ROBO1: variants seen among roughly 807,000 people sequenced by gnomAD.
The protein encoded by ROBO1 is roundabout homolog 1.
In ROBO1, 149 loss-of-function variants were observed where a neutral mutation model predicts 195.9. The ratio of observed to expected loss-of-function variants is 0.76; its 90% CI spans 0.67 to 0.87. The LOEUF is 0.87. Among genes scored for constraint, ROBO1 ranks in the 40% least tolerant of loss-of-function variants. ROBO1 has a pLI of 0.00. For missense variants in ROBO1, 1,933 were observed against 2,068.3 expected, an observed-to-expected ratio of 0.93 and a Z score of 1.27; for synonymous variants, 816 against 733.2, an observed-to-expected ratio of 1.11 and a Z score of -1.82.
chr3:79,153,168 G>A (rs772990765), intron 2 of ROBO1, among the ~76,000 whole-genome samples: 3 of 151,570 alleles, frequency 2.0e-5, no homozygotes, highest in Non-Finnish European at 3.0e-5. Context: ...AAAAATTTTG[G>A]AAAGCAAAGT....
At chr3:79,376,643 T>C (rs964169309) in intron 2 of ROBO1, among the ~76,000 whole-genome samples, 3 of 152,130 alleles carry the variant, frequency 2.0e-5, no homozygotes, top group Non-Finnish European at 2.9e-5. Flanking sequence ...GTGCCTTTGC[T>C]CCTCATTCAC....
intron 3 of ROBO1, among the ~76,000 whole-genome samples, chr3:79,032,391 T>A: frequency 6.6e-6 from 1 of 151,956 alleles, no homozygotes; most frequent in East Asian, 1.9e-4. Context: ...CATAAAATGA[T>A]TTAAAAATGA....
At chr3:78,854,050 A>G (rs1054900670) in intron 4 of ROBO1, among the ~76,000 whole-genome samples, 3 of 151,860 alleles carry the variant, frequency 2.0e-5, no homozygotes, top group Non-Finnish European at 4.4e-5. Context: ...CATATCAAAC[A>G]CCTTAAGAAA....
rs75370076 is a variant in ROBO1, at chr3:79,229,054, T to C, written c.89-103515A>G. Among the ~76,000 whole-genome samples the C allele has an allele frequency of 2.0e-3, 310 of 152,264 alleles. 1 individual carries two copies. The highest frequency in any genetic ancestry group is 7.0e-3 in the African/African-American group (291 of 41,570). ...TATAATGAAGATATGCAAATCACCA[T>C]AAGAAAAATGGTTTATAACTCACTA... On this transcript the variant is annotated intron_variant, in intron 2 of 30. Transcript: ENST00000464233.
intron 4 of ROBO1, among the ~76,000 whole-genome samples, chr3:78,896,658 CAAAAA>C (rs142287501): frequency 3.0e-5 from 2 of 65,926 alleles, no homozygotes; most frequent in African/African-American, 1.3e-4. Context: ...TTGTTGCTCA[CAAAAA>C]AAAAAAAAAA....
At chr3:78,683,219 C>T (rs948018394) in intron 10 of ROBO1, among the ~76,000 whole-genome samples, 2 of 152,004 alleles carry the variant, frequency 1.3e-5, no homozygotes, top group African/African-American at 4.8e-5. Context: ...AGTCTTGAAA[C>T]TACAAACCAT....
chr3:78,937,239 A>C (rs2039862408), intron 4 of ROBO1, among the ~76,000 whole-genome samples: 7 of 151,920 alleles, frequency 4.6e-5, no homozygotes, highest in Admixed American at 4.6e-4. Flanking sequence ...TCTGTCTCTA[A>C]ATCCCTTTCT....
chr3:79,301,329 CCCA>C (rs1439790425), intron 2 of ROBO1, among the ~76,000 whole-genome samples: 1 of 152,196 alleles, frequency 6.6e-6, no homozygotes, highest in Non-Finnish European at 1.5e-5. Context: ...AGACCAAGAA[CCCA>C]CCAATTCCGC....
chr3:79,587,985 G>T (rs1462934709), intron 2 of ROBO1, among the ~76,000 whole-genome samples: 2 of 151,546 alleles, frequency 1.3e-5, no homozygotes, highest in East Asian at 3.9e-4. Flanking sequence ...TGAAAAAAAA[G>T]GCATCTAACT....
At chr3:79,012,007 C>G (rs2077792733) in intron 3 of ROBO1, among the ~76,000 whole-genome samples, 1 of 152,084 alleles carries the variant, frequency 6.6e-6, no homozygotes, top group South Asian at 2.1e-4. Flanking sequence ...GACAAGCTGT[C>G]CCCAGCTCTC....
intron 3 of ROBO1, among the ~76,000 whole-genome samples, chr3:78,975,609 A>G (rs2076870099): frequency 1.3e-5 from 2 of 152,186 alleles, no homozygotes; most frequent in Admixed American, 1.3e-4. Context: ...AAGGTAGAAA[A>G]GACTTAGTAG....
intron 2 of ROBO1, among the ~76,000 whole-genome samples, chr3:79,298,557 G>T (rs1005791799): frequency 1.2e-4 from 19 of 152,026 alleles, no homozygotes; most frequent in Non-Finnish European, 2.2e-4. Context: ...CATAGGGATA[G>T]AATTTCTTTT....
chr3:78,713,269 A>C (rs948209356), intron 8 of ROBO1, among the ~76,000 whole-genome samples: 1 of 150,178 alleles, frequency 6.7e-6, no homozygotes, highest in African/African-American at 2.5e-5. Flanking sequence ...AATATTCTTT[A>C]CTCTTTTTTT....
chr3:79,631,327 A>C (rs1162615439), intron 1 of ROBO1, among the ~76,000 whole-genome samples: 2 of 152,008 alleles, frequency 1.3e-5, no homozygotes, highest in Non-Finnish European at 2.9e-5. Flanking sequence ...CCAGAAATAA[A>C]GCCTCATATC....
At chr3:78,648,577 G>A (rs1706445940) in intron 19 of ROBO1, among the ~76,000 whole-genome samples, 1 of 151,812 alleles carries the variant, frequency 6.6e-6, no homozygotes, top group African/African-American at 2.4e-5. Context: ...CCATTCCTGG[G>A]GGGTTGGATA....
intron 1 of ROBO1, among the ~76,000 whole-genome samples, chr3:79,760,136 C>T (rs555594615): frequency 1.4e-5 from 2 of 146,384 alleles, no homozygotes; most frequent in East Asian, 4.2e-4. Context: ...ACTCGGGAGG[C>T]TGAGCCAGGA....
At position 78,598,756 on chromosome 3, in the gene ROBO1, T is replaced by A; in HGVS notation, c.*157A>T. ...TCAAACAACAACAATAAAAACCCAA[T>A]AAAGTTTTTAAAATGATATCCCAAT... On this transcript the variant is annotated 3_prime_UTR_variant, in exon 31 of 31. Transcript: ENST00000464233. The A allele has an allele frequency of 4.1e-6, 2 of 482,820 alleles. No individual in the cohort carries two copies. Among genetic ancestry groups the A allele is most frequent in the Non-Finnish European group, 7.5e-6 (2 of 268,358 alleles). The allele number at this position is 482,820 out of a possible 1,614,324, so 29.9% of individuals were successfully genotyped here.
intron 10 of ROBO1, among the ~76,000 whole-genome samples, chr3:78,673,560 T>A (rs1559727634): frequency 1.3e-5 from 1 of 74,604 alleles, no homozygotes; most frequent in African/African-American, 5.6e-5. Flanking sequence ...GTTACATATA[T>A]TTTATATATA....
intron 4 of ROBO1, among the ~76,000 whole-genome samples, chr3:78,805,528 C>T (rs1431893822): frequency 6.6e-6 from 1 of 151,934 alleles, no homozygotes; most frequent in Non-Finnish European, 1.5e-5. Flanking sequence ...TATTTATACT[C>T]ACAATAGTAT....
Sources: allele counts gnomAD v4.1 joint callset (sites outside exome capture counted in the v4.1 genomes callset), GRCh38; gene constraint gnomAD v4.1.1; transcripts MANE v1.5; gene names NCBI Gene and HGNC (gene_info 2026-07-23, HGNC 2026-07-21).